FSIP1: variants seen among roughly 807,000 people sequenced by gnomAD.
FSIP1 encodes the protein fibrous sheath-interacting protein 1.
FSIP1 carries 65 observed loss-of-function variants against 60.9 expected under a neutral mutation model. The ratio of observed to expected loss-of-function variants is 1.07; its 90% CI spans 0.87 to 1.31. The LOEUF (loss-of-function observed/expected upper bound fraction) is 1.31, where lower values mean the gene tolerates loss of function less well. Among genes scored for constraint, FSIP1 ranks in the 40% most tolerant of loss-of-function variants. The pLI is 0.00. For synonymous variants in FSIP1, 209 were observed against 221.2 expected (o/e 0.94, Z 0.49); for missense variants, 675 against 665.5 (o/e 1.01, Z -0.16).
At chr15:39,690,199 C>T (rs556409926) in intron 10 of FSIP1, among the ~76,000 whole-genome samples, 1 of 152,274 alleles carries the variant, frequency 6.6e-6, no homozygotes, top group East Asian at 1.9e-4. Flanking sequence ...GAAAAGCGTA[C>T]AGCCAGCCAG....
intron 8 of FSIP1, 123 bp downstream of exon 8, chr15:39,737,967 TA>T: frequency 1.7e-6 from 1 of 596,082 alleles, no homozygotes; most frequent in Non-Finnish European, 2.8e-6. Flanking sequence ...AGGGTTTTTT[TA>T]AAATCAAAGA....
chr15:39,747,749 T>C (rs1020279182), intron 5 of FSIP1, among the ~76,000 whole-genome samples: 5 of 152,220 alleles, frequency 3.3e-5, no homozygotes, highest in African/African-American at 1.2e-4. Context: ...GCCTGGATGC[T>C]TGTAAGATTT....
intron 9 of FSIP1, among the ~76,000 whole-genome samples, chr15:39,725,325 A>C (rs1896147406): frequency 6.6e-6 from 1 of 152,228 alleles, no homozygotes; most frequent in Non-Finnish European, 1.5e-5. Flanking sequence ...CCACTGCAGA[A>C]TTTCAAATCA....
chr15:39,681,729 G>C (rs1894170849), intron 10 of FSIP1, among the ~76,000 whole-genome samples: 1 of 152,162 alleles, frequency 6.6e-6, no homozygotes, highest in Admixed American at 6.5e-5. Context: ...AATGATTCCA[G>C]ATGTACAGTC....
At chr15:39,733,181 C>T (rs909468067) in intron 8 of FSIP1, among the ~76,000 whole-genome samples, 1 of 152,200 alleles carries the variant, frequency 6.6e-6, no homozygotes, top group African/African-American at 2.4e-5. Context: ...CAGGCATGCA[C>T]CACCAAACCT....
In FSIP1 at chr15:39,691,181, G is replaced by T. The variant is rs144727876; in HGVS notation, c.1188+22263C>A. Among the ~76,000 whole-genome samples, 537 of 152,332 alleles carry T rather than the reference G, an allele frequency of 3.5e-3. 4 individuals are homozygous for T. The highest frequency in any genetic ancestry group is 0.012 in the African/African-American group (508 of 41,572). Reference sequence around the variant, plus strand: ...TGCATAATTAATAGGGTTAAGTCCAGTCTTTGGGGAAGGGTGACTTTCCAT... The same window carrying T: ...TGCATAATTAATAGGGTTAAGTCCATTCTTTGGGGAAGGGTGACTTTCCAT... On this transcript the variant is annotated intron_variant, in intron 10 of 11. Coordinates refer to ENST00000350221, the MANE Select transcript of FSIP1 (RefSeq NM_152597.5).
chr15:39,779,225 T>C (rs1049220024), intron 1 of FSIP1, among the ~76,000 whole-genome samples: 1 of 151,362 alleles, frequency 6.6e-6, no homozygotes, highest in East Asian at 1.9e-4. Context: ...TCAAAAAAAA[T>C]AGAGAAAGAC....
At chr15:39,628,919 G>A (rs2140398854) in intron 10 of FSIP1, among the ~76,000 whole-genome samples, 1 of 152,316 alleles carries the variant, frequency 6.6e-6, no homozygotes, top group South Asian at 2.1e-4. Flanking sequence ...TGAAATACCT[G>A]CGTGAAGCTG....
intron 10 of FSIP1, among the ~76,000 whole-genome samples, chr15:39,620,986 A>T (rs1891421169): frequency 6.6e-6 from 1 of 151,530 alleles, no homozygotes; most frequent in South Asian, 2.1e-4. Flanking sequence ...ATGTTTGGAC[A>T]TCAGAAGCTG....
chr15:39,739,783 G>A lies in FSIP1; in HGVS notation c.662C>T (p.Thr221Ile). ...MQMQKLNKDFTCDVERNESLI... is the reference protein window; with the variant it reads ...MQMQKLNKDFICDVERNESLI... The stretch of plus-strand genomic sequence containing the variant: ...TGACTCATTTCTTTCCACATCACAG[G>A]TAAAATCTAATATTAAAAAAGTTCA... The change falls in exon 7 of 12, where the codon ACC becomes ATC. Residue 221 changes from threonine (T) to isoleucine (I), a missense_variant. Physicochemically the swap from Thr to Ile is moderately conservative, Grantham distance 89. Transcript: ENST00000350221. 1 of 1,549,284 alleles carries A rather than the reference G, an allele frequency of 6.5e-7. No homozygotes were observed. Among genetic ancestry groups the A allele is most frequent in the Non-Finnish European group, 8.7e-7 (1 of 1,155,318 alleles).
chr15:39,718,088 G>A (rs1223772093), intron 9 of FSIP1, among the ~76,000 whole-genome samples: 5 of 151,786 alleles, frequency 3.3e-5, no homozygotes, highest in Non-Finnish European at 5.9e-5. Context: ...CTAGTCTCTC[G>A]GTGTCCCAAC....
At chr15:39,731,894 G>C (rs1163416959) in intron 8 of FSIP1, among the ~76,000 whole-genome samples, 2 of 152,310 alleles carry the variant, frequency 1.3e-5, no homozygotes, top group East Asian at 3.9e-4. Flanking sequence ...GCCATTCACT[G>C]CAAGTGTGAG....
intron 8 of FSIP1, among the ~76,000 whole-genome samples, chr15:39,731,803 A>G (rs1896414997): frequency 6.6e-6 from 1 of 152,162 alleles, no homozygotes; most frequent in East Asian, 1.9e-4. Context: ...ACTCAATACT[A>G]CTAGATGTGA....
intron 10 of FSIP1, among the ~76,000 whole-genome samples, chr15:39,670,165 T>C (rs890428911): frequency 6.6e-6 from 1 of 152,214 alleles, no homozygotes; most frequent in African/African-American, 2.4e-5. Context: ...TCTAAACCCC[T>C]AAATAATATG....
At chr15:39,711,676 CTTTTTTTTTTTT>C (rs66840718) in intron 10 of FSIP1, among the ~76,000 whole-genome samples, 5 of 85,734 alleles carry the variant, frequency 5.8e-5, no homozygotes, top group African/African-American at 2.5e-4. Context: ...ATTCCTACTT[CTTTTTTTTTTTT>C]TTTTTTTTTT....
chr15:39,715,341 A>G (rs1895699505), intron 9 of FSIP1, among the ~76,000 whole-genome samples: 1 of 152,050 alleles, frequency 6.6e-6, no homozygotes, highest in South Asian at 2.1e-4. Flanking sequence ...AGGACAAATT[A>G]TTCTCTCAGC....
chr15:39,690,603 G>A (rs1026897689), intron 10 of FSIP1, among the ~76,000 whole-genome samples: 1 of 152,142 alleles, frequency 6.6e-6, no homozygotes, highest in Non-Finnish European at 1.5e-5. Flanking sequence ...ATACCAGGTC[G>A]AAACAGAATA....
At chr15:39,671,630 C>T (rs1893724772) in intron 10 of FSIP1, among the ~76,000 whole-genome samples, 1 of 152,142 alleles carries the variant, frequency 6.6e-6, no homozygotes, top group Non-Finnish European at 1.5e-5. Flanking sequence ...ATCTCTTGTG[C>T]TTAGTCTGAG....
At chr15:39,703,239 C>T (rs1212519472) in intron 10 of FSIP1, among the ~76,000 whole-genome samples, 1 of 152,152 alleles carries the variant, frequency 6.6e-6, no homozygotes, top group Non-Finnish European at 1.5e-5. Flanking sequence ...ACCTCAGCCT[C>T]CCAAAGTGCT....
Sources: allele counts gnomAD v4.1 joint callset (sites outside exome capture counted in the v4.1 genomes callset), GRCh38; gene constraint gnomAD v4.1.1; transcripts MANE v1.5; gene names NCBI Gene and HGNC (gene_info 2026-07-23, HGNC 2026-07-21).